Variants in CNTN4 observed in about 807,000 individuals in gnomAD.
CNTN4 encodes contactin-4.
Under a neutral mutation model 122.5 loss-of-function variants are expected in CNTN4, and 77 were observed. That is an observed-to-expected ratio of 0.63 (90% CI 0.52 to 0.76). The LOEUF (loss-of-function observed/expected upper bound fraction) is 0.76. Among genes scored for constraint, CNTN4 ranks in the 30% least tolerant of loss-of-function variants. CNTN4 has a pLI of 0.00. For synonymous variants in CNTN4, 512 were observed against 447.0 expected, an observed-to-expected ratio of 1.15 and a Z score of -1.83; for missense variants, 1,256 against 1,259.1, an observed-to-expected ratio of 1.00 and a Z score of 0.04.
At chr3:2,144,555 G>A (rs2035153940) in intron 2 of CNTN4, among the ~76,000 whole-genome samples, 1 of 152,062 alleles carries the variant, frequency 6.6e-6, no homozygotes, top group South Asian at 2.1e-4. Context: ...TCATTGAGAG[G>A]GTTACATGTG....
At position 2,627,701 on chromosome 3, in the gene CNTN4, G is replaced by A. The variant is rs571033338; in HGVS notation, c.55+56143G>A. ...GTAGAGACGGGGTTTCACCGTGTTA[G>A]CCAGGATGGTCTCGATCTCCTGACC... On this transcript the variant is annotated intron_variant, in intron 4 of 24. Coordinates refer to ENST00000418658, the MANE Select transcript of CNTN4 (RefSeq NM_175607.3). Among the ~76,000 whole-genome samples the A allele has an allele frequency of 6.0e-3, 915 of 152,052 alleles. 1 individual carries two copies. The highest frequency in any genetic ancestry group is 0.012 in the Admixed American group (190 of 15,272).
At chr3:2,559,301 C>G (rs2078849007) in intron 3 of CNTN4, among the ~76,000 whole-genome samples, 1 of 152,174 alleles carries the variant, frequency 6.6e-6, no homozygotes, top group Non-Finnish European at 1.5e-5. Flanking sequence ...AAGTGATTTA[C>G]TGGCTTTCTA....
intron 7 of CNTN4, among the ~76,000 whole-genome samples, chr3:2,830,794 C>T (rs892775387): frequency 3.3e-5 from 5 of 152,112 alleles, no homozygotes; most frequent in African/African-American, 1.2e-4. Context: ...ATGAGTGGTG[C>T]TTTGGCTACA....
chr3:2,113,224 A>G (rs1483363966), intron 2 of CNTN4, among the ~76,000 whole-genome samples: 1 of 152,194 alleles, frequency 6.6e-6, no homozygotes, highest in Non-Finnish European at 1.5e-5. Flanking sequence ...TAAATTGTCC[A>G]TCAATAGGGA....
intron 4 of CNTN4, among the ~76,000 whole-genome samples, chr3:2,602,489 A>G (rs376877284): frequency 2.0e-5 from 3 of 152,204 alleles, no homozygotes; most frequent in African/African-American, 7.2e-5. Flanking sequence ...CCCATTCACA[A>G]TTGCTTCAAA....
intron 3 of CNTN4, among the ~76,000 whole-genome samples, chr3:2,407,021 T>A (rs2047062063): frequency 6.6e-6 from 1 of 152,150 alleles, no homozygotes; most frequent in African/African-American, 2.4e-5. Context: ...CTTATTAGGA[T>A]TTTTTTACAT....
At chr3:2,791,432 C>A (rs2092006910) in intron 6 of CNTN4, among the ~76,000 whole-genome samples, 1 of 151,580 alleles carries the variant, frequency 6.6e-6, no homozygotes, top group Non-Finnish European at 1.5e-5. Context: ...ACTCAGGAGG[C>A]TGAAGGGGAA....
intron 7 of CNTN4, among the ~76,000 whole-genome samples, chr3:2,842,182 G>T (rs2093373593): frequency 6.6e-6 from 1 of 152,122 alleles, no homozygotes; most frequent in African/African-American, 2.4e-5. Flanking sequence ...AAAGAGTGCA[G>T]GTAATGGGTT....
intron 4 of CNTN4, among the ~76,000 whole-genome samples, chr3:2,712,198 A>G (rs1482782948): frequency 6.6e-6 from 1 of 152,222 alleles, no homozygotes; most frequent in East Asian, 1.9e-4. Flanking sequence ...TTGAATTGCA[A>G]AAACTTGGAA....
At chr3:2,287,661 GAAGAAGAAGAAGAAGAAGAAGAAGAA>G (rs1559415366) in intron 2 of CNTN4, among the ~76,000 whole-genome samples, 19 of 36,406 alleles carry the variant, frequency 5.2e-4, no homozygotes, top group African/African-American at 2.5e-4. Context: ...AGAAGAAGAA[GAAGAAGAAGAAGAAGAAGAAGAAGAA>G]GAAGAGGAAG....
At chr3:2,220,526 A>G (rs1471155285) in intron 2 of CNTN4, among the ~76,000 whole-genome samples, 1 of 152,132 alleles carries the variant, frequency 6.6e-6, no homozygotes, top group Non-Finnish European at 1.5e-5. Flanking sequence ...AAGGCAATGA[A>G]TGACATTAAT....
chr3:2,756,532 C>A (rs1202607407), intron 6 of CNTN4, among the ~76,000 whole-genome samples: 1 of 152,172 alleles, frequency 6.6e-6, no homozygotes, highest in Non-Finnish European at 1.5e-5. Context: ...GCAGCCCTAA[C>A]AGACTAAAAC....
At chr3:2,123,425 G>T (rs558272828) in intron 2 of CNTN4, among the ~76,000 whole-genome samples, 1 of 152,250 alleles carries the variant, frequency 6.6e-6, no homozygotes, top group South Asian at 2.1e-4. Context: ...CATTAAACAG[G>T]TTTTTCTGGT....
At chr3:2,771,837 C>A (rs995387832) in intron 6 of CNTN4, among the ~76,000 whole-genome samples, 20 of 152,068 alleles carry the variant, frequency 1.3e-4, no homozygotes, top group African/African-American at 4.8e-4. Context: ...ATATGTAATC[C>A]GTCCTGGGGT....
At chr3:2,290,693 T>C (rs954497374) in intron 2 of CNTN4, among the ~76,000 whole-genome samples, 19 of 152,204 alleles carry the variant, frequency 1.2e-4, no homozygotes, top group Non-Finnish European at 5.9e-5. Context: ...ATTTGTGTAT[T>C]GTTGCGAGGG....
At chr3:2,415,703 A>G (rs534794254) in intron 3 of CNTN4, among the ~76,000 whole-genome samples, 1 of 152,198 alleles carries the variant, frequency 6.6e-6, no homozygotes, top group South Asian at 2.1e-4. Context: ...TCTTCTATTA[A>G]TAATATGATT....
chr3:2,835,251 C>T (rs2093200714), intron 7 of CNTN4, among the ~76,000 whole-genome samples: 1 of 152,046 alleles, frequency 6.6e-6, no homozygotes, highest in Non-Finnish European at 1.5e-5. Flanking sequence ...ACAATGAAGA[C>T]ATTCCATTTA....
intron 2 of CNTN4, among the ~76,000 whole-genome samples, chr3:2,198,657 C>G (rs569384605): frequency 1.3e-5 from 2 of 152,156 alleles, no homozygotes; most frequent in Non-Finnish European, 2.9e-5. Flanking sequence ...TATATTTCCT[C>G]CTCTCCCTTC....
chr3:2,828,851 C>T (rs2150354448), intron 7 of CNTN4, among the ~76,000 whole-genome samples: 1 of 152,284 alleles, frequency 6.6e-6, no homozygotes, highest in Non-Finnish European at 1.5e-5. Context: ...AATCCTCCCA[C>T]CTCAGCCTCT....
Sources: gnomAD v4.1 joint callset for allele counts (sites outside exome capture counted in the v4.1 genomes callset) on GRCh38, gnomAD v4.1.1 for gene constraint, MANE v1.5 for transcripts, NCBI Gene and HGNC (gene_info 2026-07-23, HGNC 2026-07-21) for gene names.